Variants in ABCA13 observed in about 807,000 individuals in gnomAD.
ABCA13 encodes the protein ATP binding cassette subfamily A member 13, also known as ATP-binding cassette sub-family A member 13.
ABCA13 carries 476 observed loss-of-function variants against 478.7 expected under a neutral mutation model. The ratio of observed to expected loss-of-function variants is 0.99; its 90% CI spans 0.92 to 1.07. ABCA13 has a LOEUF of 1.07. Among genes scored for constraint, ABCA13 ranks in the 50% least tolerant of loss-of-function variants. ABCA13 has a pLI of 0.00. For synonymous variants in ABCA13, 2,252 were observed against 2,158.9 expected, an observed-to-expected ratio of 1.04 and a Z score of -1.20; for missense variants, 6,060 against 5,910.6, an observed-to-expected ratio of 1.03 and a Z score of -0.83.
chr7:48,370,435 T>C (rs1812449999), intron 32 of ABCA13, among the ~76,000 whole-genome samples: 3 of 152,136 alleles, frequency 2.0e-5, no homozygotes, highest in Admixed American at 6.6e-5. Context: ...CTACATTGAA[T>C]AGTAGTGGTG....
At chr7:48,423,707 A>T (rs1821068004) in intron 41 of ABCA13, among the ~76,000 whole-genome samples, 1 of 152,244 alleles carries the variant, frequency 6.6e-6, no homozygotes, top group South Asian at 2.1e-4. Context: ...AAGAGTGGAT[A>T]CACCATAGGC....
chr7:48,271,761 C>A, intron 16 of ABCA13, 26 bp from the exon 17 acceptor site: 1 of 1,219,060 alleles, frequency 8.2e-7, no homozygotes, highest in Admixed American at 3.6e-5. Context: ...TTATTTTATA[C>A]TAAAATAATT....
At chr7:48,350,607 G>A (rs373719764) in intron 29 of ABCA13, 36 bp from the exon 30 acceptor site, 84 of 1,541,108 alleles carry the variant, frequency 5.5e-5, no homozygotes, top group Non-Finnish European at 6.6e-5. Flanking sequence ...GGGGGATACA[G>A]AAGTTGATGT....
At chr7:48,585,175 G>A (rs1283443336) in intron 56 of ABCA13, among the ~76,000 whole-genome samples, 1 of 151,990 alleles carries the variant, frequency 6.6e-6, no homozygotes, top group African/African-American at 2.4e-5. Flanking sequence ...TAATATTTGT[G>A]TTTGTTTGCT....
At chr7:48,497,699 A>G (rs1011668032) in intron 48 of ABCA13, among the ~76,000 whole-genome samples, 7 of 152,226 alleles carry the variant, frequency 4.6e-5, no homozygotes, top group Middle Eastern at 3.4e-3. Flanking sequence ...CACCAGCCTC[A>G]CTGACACATT....
At chr7:48,265,972 A>G (rs183513303) in intron 15 of ABCA13, among the ~76,000 whole-genome samples, 1 of 151,814 alleles carries the variant, frequency 6.6e-6, no homozygotes, top group Admixed American at 6.6e-5. Context: ...TCAGGAATAG[A>G]TGTCAGATTT....
At chr7:48,178,744 A>G (rs1795233349) in intron 1 of ABCA13, among the ~76,000 whole-genome samples, 3 of 151,572 alleles carry the variant, frequency 2.0e-5, no homozygotes, top group Non-Finnish European at 4.4e-5. Context: ...GAGATTATCC[A>G]GTCTTCTAAA....
intron 33 of ABCA13, 35 bp downstream of exon 33, chr7:48,372,532 A>C: frequency 2.1e-6 from 3 of 1,448,340 alleles, no homozygotes; most frequent in South Asian, 2.7e-5. Context: ...AAAAAAAAAA[A>C]ACAACAAAAT....
intron 59 of ABCA13, among the ~76,000 whole-genome samples, chr7:48,621,222 G>A (rs756105217): frequency 1.1e-4 from 17 of 151,976 alleles, no homozygotes; most frequent in Non-Finnish European, 2.1e-4. Context: ...CTTTGCTTGT[G>A]TTTTTTTCTT....
intron 1 of ABCA13, among the ~76,000 whole-genome samples, chr7:48,184,040 C>T (rs1310081941): frequency 6.6e-6 from 1 of 152,150 alleles, no homozygotes; most frequent in East Asian, 1.9e-4. Context: ...ATTTGCAAAT[C>T]CTTAGCTTAC....
At chr7:48,465,762 G>A (rs1826808514) in intron 43 of ABCA13, among the ~76,000 whole-genome samples, 1 of 151,962 alleles carries the variant, frequency 6.6e-6, no homozygotes, top group East Asian at 1.9e-4. Context: ...TCACCCTGCT[G>A]TGCTATCGAA....
intron 14 of ABCA13, 83 bp from the exon 15 acceptor site, chr7:48,249,129 G>A (rs1390159889): frequency 2.3e-6 from 3 of 1,302,282 alleles, no homozygotes; most frequent in Middle Eastern, 2.8e-4. Context: ...GCATATATTT[G>A]TTTTTAGAAA....
At chr7:48,436,432 G>T (rs1822841487) in intron 42 of ABCA13, among the ~76,000 whole-genome samples, 1 of 151,508 alleles carries the variant, frequency 6.6e-6, no homozygotes, top group South Asian at 2.1e-4. Flanking sequence ...TCTAGCTAAA[G>T]GTTTATCTAT....
At chr7:48,175,713 G>A (rs36140243) in intron 1 of ABCA13, among the ~76,000 whole-genome samples, 30,148 of 152,062 alleles carry the variant, frequency 0.2, 3,225 homozygotes, top group Non-Finnish European at 0.23. Flanking sequence ...GAGCCACTGC[G>A]GTGGACCTAT....
intron 4 of ABCA13, among the ~76,000 whole-genome samples, chr7:48,220,319 T>C (rs1314401379): frequency 6.6e-6 from 1 of 152,200 alleles, no homozygotes; most frequent in Non-Finnish European, 1.5e-5. Flanking sequence ...AACAAAAATT[T>C]GTTAATATAT....
At chr7:48,291,871 C>A (rs1026081951) in intron 20 of ABCA13, among the ~76,000 whole-genome samples, 1 of 152,144 alleles carries the variant, frequency 6.6e-6, no homozygotes, top group African/African-American at 2.4e-5. Context: ...CAGACTCAGC[C>A]ACGCCCATCC....
chr7:48,361,648 T>C (rs544903147), intron 31 of ABCA13, among the ~76,000 whole-genome samples: 1 of 151,784 alleles, frequency 6.6e-6, no homozygotes, highest in East Asian at 1.9e-4. Context: ...TTAAATATAT[T>C]ATGTAGGTAA....
At chr7:48,404,235 T>C in intron 39 of ABCA13, 1 of 312,370 alleles carries the variant, frequency 3.2e-6, no homozygotes. Context: ...GATGAAGAAA[T>C]GAAGGCTCAG....
chr7:48,474,274 A>T (rs754056357), intron 45 of ABCA13, among the ~76,000 whole-genome samples: 2 of 152,094 alleles, frequency 1.3e-5, no homozygotes, highest in African/African-American at 2.4e-5. Flanking sequence ...AAATTTCTAT[A>T]CCCTTTTCAT....
Sources: allele counts gnomAD v4.1 joint callset (sites outside exome capture counted in the v4.1 genomes callset), GRCh38; gene constraint gnomAD v4.1.1; transcripts MANE v1.5; gene names NCBI Gene and HGNC (gene_info 2026-07-23, HGNC 2026-07-21).